Variants in AIMP1 observed in about 807,000 individuals in gnomAD.
AIMP1 encodes aminoacyl tRNA synthetase complex interacting multifunctional protein 1, also known as aminoacyl tRNA synthase complex-interacting multifunctional protein 1.
AIMP1 carries 24 observed loss-of-function variants against 33.1 expected under a neutral mutation model. The observed-to-expected ratio is 0.73, with a 90% confidence interval of 0.53 to 1.02. AIMP1 has a LOEUF of 1.02. Ranked by LOEUF, AIMP1 falls within the 50% of genes least tolerant of loss-of-function variation. The pLI, the probability that AIMP1 is intolerant of heterozygous loss-of-function variation, is 0.00. For synonymous variants in AIMP1, 120 were observed against 121.5 expected (o/e 0.99, Z 0.08); for missense variants, 367 against 364.8 (o/e 1.01, Z -0.05).
rs188717174 is a variant in AIMP1, at chr4:106,336,238, G to A, written c.604-631G>A. Among the ~76,000 whole-genome samples, 78 of 147,244 alleles carry A rather than the reference G, an allele frequency of 5.3e-4. 1 individual carries two copies. The East Asian group carries it at 0.015, about 28-fold the overall frequency. On this transcript the variant is annotated intron_variant, in intron 5 of 6. Coordinates refer to ENST00000672341, the MANE Select transcript of AIMP1 (RefSeq NM_001142416.2). ...TGTAGAGACTGGGTTTTGCCATTTT[G>A]CCCATGCTGGTCTCGAAAAAAAAAA...
In AIMP1 at chr4:106,337,502, C is replaced by A. The variant is rs554479086; in HGVS notation, c.772+465C>A. 2.0e-5 allele frequency among the ~76,000 whole-genome samples: 3 copies of A among 152,296 alleles called. No homozygotes were observed. In the East Asian group the frequency reaches 5.8e-4, roughly 29 times the overall value. On this transcript the variant is annotated intron_variant, in intron 6 of 6. Transcript: ENST00000672341. Reference sequence around the variant, plus strand: ...AGACATGCCTTTGCTCCTCCTTTGTCTTCTGCCATGATCGTGAGGCCTCTG... The same window carrying A: ...AGACATGCCTTTGCTCCTCCTTTGTATTCTGCCATGATCGTGAGGCCTCTG...
chr4:106,338,100 C>T (rs1175616754), intron 6 of AIMP1, among the ~76,000 whole-genome samples: 1 of 152,122 alleles, frequency 6.6e-6, no homozygotes, highest in Non-Finnish European at 1.5e-5. Flanking sequence ...CTTAAGCATT[C>T]AGTTGTATTC....
At chr4:106,334,279 T>C (rs914572257) in intron 5 of AIMP1, among the ~76,000 whole-genome samples, 6 of 129,376 alleles carry the variant, frequency 4.6e-5, no homozygotes, top group Non-Finnish European at 7.0e-5. Context: ...CTTTTTTCTT[T>C]TTTTTTTTTT....
intron 1 of AIMP1, among the ~76,000 whole-genome samples, chr4:106,324,121 A>T (rs1399386741): frequency 6.6e-6 from 1 of 152,038 alleles, no homozygotes; most frequent in Non-Finnish European, 1.5e-5. Flanking sequence ...TCTAGTTTTT[A>T]TTCAAAATTT....
At chr4:106,345,231 C>G (rs1234722466) in intron 6 of AIMP1, among the ~76,000 whole-genome samples, 1 of 152,146 alleles carries the variant, frequency 6.6e-6, no homozygotes, top group Non-Finnish European at 1.5e-5. Context: ...AATCTATATT[C>G]TTTATAAGAA....
At position 106,329,412 on chromosome 4, in the gene AIMP1, T is replaced by C. The variant is rs966457135; in HGVS notation, c.391+1169T>C. On this transcript the variant is annotated intron_variant, in intron 4 of 6. Transcript: ENST00000672341. Reference sequence around the variant, plus strand: ...AGAAGGCAACAAGGCTCTCCTTTGATGGAAGAGGGAGCACACAGGACCACA... The same window carrying C: ...AGAAGGCAACAAGGCTCTCCTTTGACGGAAGAGGGAGCACACAGGACCACA... Among the ~76,000 whole-genome samples the C allele has an allele frequency of 2.0e-5, 3 of 152,184 alleles. No homozygotes were observed. In the East Asian group the frequency reaches 5.8e-4, roughly 29 times the overall value.
intron 6 of AIMP1, among the ~76,000 whole-genome samples, chr4:106,338,633 G>A (rs952258795): frequency 4.6e-5 from 7 of 152,200 alleles, no homozygotes; most frequent in Admixed American, 3.3e-4. Flanking sequence ...GGGCAGGGCC[G>A]TCATGAACCT....
chr4:106,344,074 A>G (rs1770201097), intron 6 of AIMP1, among the ~76,000 whole-genome samples: 1 of 152,082 alleles, frequency 6.6e-6, no homozygotes, highest in Non-Finnish European at 1.5e-5. Flanking sequence ...TCTCAGTCTT[A>G]TTATTAATTA....
At position 106,329,772 on chromosome 4, in the gene AIMP1, C is replaced by CTTTTT. The variant is rs59016309; in HGVS notation, c.391+1555_391+1559dup. Among the ~76,000 whole-genome samples, 124 of 53,082 alleles carry CTTTTT rather than the reference C, an allele frequency of 2.3e-3. 13 individuals are homozygous for CTTTTT. The highest frequency in any genetic ancestry group is 0.01 in the East Asian group (19 of 1,858). 34.8% of individuals were successfully genotyped at this position (53,082 alleles called of 152,430 possible). On this transcript the variant is annotated intron_variant, in intron 4 of 6. Transcript: ENST00000672341. ...ATGATCTTTCTAGACTGCTACATAT[C>CTTTTT]TTTTTTTTTTTTTTTTTTTTTTTTT...
Position 106,328,105 on chromosome 4 carries a change from C to T in AIMP1, c.253C>T (p.Pro85Ser). Reference protein sequence around the residue: ...VKQIPFPSGTPLHANSMVSEN... With the variant: ...VKQIPFPSGTSLHANSMVSEN... ...GCAAATACCATTTCCATCTGGTACT[C>T]CACTGCACGCTAATTCTATGGTTTC... The change falls in exon 4 of 7, where the codon CCA becomes TCA. Residue 85 changes from proline (P) to serine (S), a missense_variant. Physicochemically the swap from Pro to Ser is moderately conservative, Grantham distance 74. Coordinates refer to ENST00000672341, the MANE Select transcript of AIMP1 (RefSeq NM_001142416.2). 6.2e-7 allele frequency: 1 copy of T among 1,613,286 alleles called. No homozygotes were observed. The highest frequency in any genetic ancestry group is 8.5e-7 in the Non-Finnish European group (1 of 1,179,502).
Position 106,331,913 on chromosome 4 carries a change from G to C in AIMP1, c.603+30G>C, listed in dbSNP as rs769089110. The C allele has an allele frequency of 2.4e-5, 37 of 1,563,120 alleles. No individual in the cohort carries two copies. The Middle Eastern group carries it at 7.0e-4, about 29-fold the overall frequency. On this transcript the variant is annotated intron_variant, in intron 5 of 6. Coordinates refer to ENST00000672341, the MANE Select transcript of AIMP1 (RefSeq NM_001142416.2). ...TCTGTACAACTGAAATTCCTGTTGT[G>C]TACATACAACATTTTCATTCCCTCC... is the stretch of plus-strand genomic sequence containing the variant.
intron 6 of AIMP1, among the ~76,000 whole-genome samples, chr4:106,345,267 C>A (rs1770253992): frequency 6.6e-6 from 1 of 152,144 alleles, no homozygotes; most frequent in South Asian, 2.1e-4. Context: ...TGCTTCTTAA[C>A]TAACTCATTA....
intron 6 of AIMP1, 53 bp downstream of exon 6, chr4:106,337,090 A>G (rs559892612): frequency 2.0e-6 from 3 of 1,469,814 alleles, no homozygotes; most frequent in South Asian, 2.3e-5. Flanking sequence ...TCTCAAAGTG[A>G]TGTTTGTAAT....
At chr4:106,325,477 C>CT (rs950664419) in intron 2 of AIMP1, among the ~76,000 whole-genome samples, 5 of 151,570 alleles carry the variant, frequency 3.3e-5, no homozygotes, top group African/African-American at 7.3e-5. Context: ...CACTTTGTTT[C>CT]TTTTTTTATA....
chr4:106,347,000 G>A (rs913480692), intron 6 of AIMP1, among the ~76,000 whole-genome samples: 3 of 152,074 alleles, frequency 2.0e-5, no homozygotes, highest in African/African-American at 7.2e-5. Flanking sequence ...AAGCAAGAGC[G>A]AGCATCTTAC....
intron 6 of AIMP1, among the ~76,000 whole-genome samples, chr4:106,343,033 T>C (rs575023287): frequency 6.6e-6 from 1 of 151,870 alleles, no homozygotes; most frequent in African/African-American, 2.4e-5. Context: ...GCCTCCTAAG[T>C]AGCTAGGACT....
intron 6 of AIMP1, among the ~76,000 whole-genome samples, chr4:106,338,657 G>T (rs1320049494): frequency 2.6e-5 from 4 of 152,328 alleles, no homozygotes; most frequent in East Asian, 3.9e-4. Flanking sequence ...CTAAGACAGT[G>T]CAGAAAGGAA....
At chr4:106,328,533 A>G (rs189914503) in intron 4 of AIMP1, among the ~76,000 whole-genome samples, 2 of 152,290 alleles carry the variant, frequency 1.3e-5, no homozygotes, top group Non-Finnish European at 2.9e-5. Context: ...GGTATGGCTG[A>G]ATTTTGGTAT....
At chr4:106,336,508 A>G (rs144961630) in intron 5 of AIMP1, among the ~76,000 whole-genome samples, 2 of 152,304 alleles carry the variant, frequency 1.3e-5, no homozygotes, top group Admixed American at 1.3e-4. Context: ...ACTCTTCAAT[A>G]TTATTTCTCT....
Sources: allele counts gnomAD v4.1 joint callset (sites outside exome capture counted in the v4.1 genomes callset), GRCh38; gene constraint gnomAD v4.1.1; transcripts MANE v1.5; gene names NCBI Gene and HGNC (gene_info 2026-07-23, HGNC 2026-07-21).